The following CSMD1 variants were observed in gnomAD, a reference collection of about 807,000 sequenced individuals.
The protein encoded by CSMD1 is CUB and sushi domain-containing protein 1.
In CSMD1, 213 loss-of-function variants were observed where a neutral mutation model predicts 417.5. That is an observed-to-expected ratio of 0.51 (90% CI 0.46 to 0.57). CSMD1 has a LOEUF of 0.57. Ranked by LOEUF, CSMD1 falls within the 20% of genes least tolerant of loss-of-function variation. CSMD1 has a pLI of 0.00. For synonymous variants in CSMD1, 2,862 were observed against 1,736.8 expected (o/e 1.65, Z -16.11); for missense variants, 6,923 against 4,529.7 (o/e 1.53, Z -15.17).
At chr8:4,086,344 C>A (rs948612249) in intron 3 of CSMD1, among the ~76,000 whole-genome samples, 1 of 152,150 alleles carries the variant, frequency 6.6e-6, no homozygotes, top group South Asian at 2.1e-4. Flanking sequence ...AGCACTAATT[C>A]TTTAATACTG....
intron 7 of CSMD1, among the ~76,000 whole-genome samples, chr8:3,705,301 G>T (rs1424061323): frequency 6.6e-6 from 1 of 152,260 alleles, no homozygotes; most frequent in East Asian, 1.9e-4. Flanking sequence ...TGATTTTTGT[G>T]CCTTGGAGCA....
intron 5 of CSMD1, among the ~76,000 whole-genome samples, chr8:3,910,591 T>G (rs1450812200): frequency 6.6e-6 from 1 of 152,132 alleles, no homozygotes; most frequent in East Asian, 1.9e-4. Context: ...TATTTTTGGG[T>G]TCTAACACAG....
chr8:4,337,646 A>G (rs973265612), intron 3 of CSMD1, among the ~76,000 whole-genome samples: 2 of 152,160 alleles, frequency 1.3e-5, no homozygotes, highest in African/African-American at 4.8e-5. Context: ...TATTCCGTTG[A>G]CTTACAGCAG....
chr8:4,368,672 A>C (rs897459830), intron 3 of CSMD1, among the ~76,000 whole-genome samples: 8 of 151,974 alleles, frequency 5.3e-5, no homozygotes, highest in African/African-American at 1.9e-4. Context: ...CAGGATTTTA[A>C]TTTCTTCCTG....
chr8:3,732,111 C>A (rs955643751), intron 6 of CSMD1, among the ~76,000 whole-genome samples: 1 of 152,124 alleles, frequency 6.6e-6, no homozygotes, highest in African/African-American at 2.4e-5. Context: ...AAAGGAGGGC[C>A]TTGGAGGAGA....
chr8:4,445,351 C>A (rs1195791239), intron 2 of CSMD1, among the ~76,000 whole-genome samples: 1 of 152,178 alleles, frequency 6.6e-6, no homozygotes, highest in Non-Finnish European at 1.5e-5. Flanking sequence ...TGTATGAAGT[C>A]TTTTCCTTAA....
In CSMD1 at chr8:3,885,660, A is replaced by G. The variant is rs576116350; in HGVS notation, c.818+112243T>C. 5.3e-5 allele frequency among the ~76,000 whole-genome samples: 8 copies of G among 152,138 alleles called. No homozygotes were observed. The East Asian group carries it at 1.6e-3, about 30-fold the overall frequency. Reference sequence around the variant, plus strand: ...TTTCTGTTCTCTATTCCCCCTCATTATTCTCTCCATCTTTCTCAAGCTCAC... The same window carrying G: ...TTTCTGTTCTCTATTCCCCCTCATTGTTCTCTCCATCTTTCTCAAGCTCAC... On this transcript the variant is annotated intron_variant, in intron 5 of 69. Coordinates refer to ENST00000635120, the MANE Select transcript of CSMD1 (RefSeq NM_033225.6).
At chr8:4,679,571 C>G (rs1461011275) in intron 1 of CSMD1, among the ~76,000 whole-genome samples, 2 of 152,108 alleles carry the variant, frequency 1.3e-5, no homozygotes, top group African/African-American at 4.8e-5. Context: ...TTTTTTCACA[C>G]TATGAAAACT....
At chr8:4,161,091 T>C (rs1324773451) in intron 3 of CSMD1, among the ~76,000 whole-genome samples, 1 of 149,804 alleles carries the variant, frequency 6.7e-6, no homozygotes, top group Non-Finnish European at 1.5e-5. Context: ...ATGTAAGAGA[T>C]ACATTTCCAG....
At chr8:4,903,145 A>C (rs138216049) in intron 1 of CSMD1, among the ~76,000 whole-genome samples, 5 of 152,282 alleles carry the variant, frequency 3.3e-5, no homozygotes, top group Non-Finnish European at 7.4e-5. Flanking sequence ...ACTCTTATTT[A>C]ATCTTGAACA....
At chr8:4,857,219 G>A (rs1377442259) in intron 1 of CSMD1, among the ~76,000 whole-genome samples, 3 of 149,176 alleles carry the variant, frequency 2.0e-5, no homozygotes, top group East Asian at 2.0e-4. Flanking sequence ...TGAAACCAAC[G>A]AGAACAAAGA....
At chr8:3,273,147 G>C (rs1324274814) in intron 26 of CSMD1, among the ~76,000 whole-genome samples, 1 of 151,482 alleles carries the variant, frequency 6.6e-6, no homozygotes, top group Admixed American at 6.6e-5. Context: ...ATGAAAGGTT[G>C]TTGAATTTTG....
At chr8:4,334,843 A>G (rs1431681191) in intron 3 of CSMD1, among the ~76,000 whole-genome samples, 1 of 152,008 alleles carries the variant, frequency 6.6e-6, no homozygotes, top group East Asian at 1.9e-4. Context: ...AAAGACATTT[A>G]TTTCTCATTG....
intron 3 of CSMD1, among the ~76,000 whole-genome samples, chr8:4,175,880 G>A (rs1038237608): frequency 6.6e-6 from 1 of 152,138 alleles, no homozygotes; most frequent in East Asian, 1.9e-4. Context: ...GAGTAATGGG[G>A]TCCAGTTGAT....
At chr8:3,538,130 C>G (rs1046390737) in intron 10 of CSMD1, among the ~76,000 whole-genome samples, 5 of 152,210 alleles carry the variant, frequency 3.3e-5, no homozygotes, top group Non-Finnish European at 5.9e-5. Flanking sequence ...AACGATTGCA[C>G]ATGGACTTCT....
chr8:3,339,827 G>C (rs1023460229), intron 23 of CSMD1, among the ~76,000 whole-genome samples: 1 of 152,128 alleles, frequency 6.6e-6, no homozygotes, highest in African/African-American at 2.4e-5. Context: ...ATTTCACAGA[G>C]CTATGGGTTA....
intron 49 of CSMD1, among the ~76,000 whole-genome samples, chr8:3,085,032 G>C (rs953106625): frequency 1.8e-4 from 27 of 152,142 alleles, no homozygotes; most frequent in Admixed American, 3.3e-4. Context: ...ATGAATTTAA[G>C]TGCTTAAAAT....
intron 3 of CSMD1, among the ~76,000 whole-genome samples, chr8:4,091,777 T>A (rs1447206874): frequency 6.6e-6 from 1 of 152,222 alleles, no homozygotes; most frequent in African/African-American, 2.4e-5. Context: ...CTACTTTAAG[T>A]TGTAGTCACA....
chr8:4,238,871 AT>A (rs542225106), intron 3 of CSMD1, among the ~76,000 whole-genome samples: 1 of 152,134 alleles, frequency 6.6e-6, no homozygotes, highest in Non-Finnish European at 1.5e-5. Flanking sequence ...AGCAAATGCA[AT>A]TTTTTTAGCA....
Sources: allele counts gnomAD v4.1 joint callset (sites outside exome capture counted in the v4.1 genomes callset), GRCh38; gene constraint gnomAD v4.1.1; transcripts MANE v1.5; gene names NCBI Gene and HGNC (gene_info 2026-07-23, HGNC 2026-07-21).